TTC6: variants seen among roughly 807,000 people sequenced by gnomAD.
TTC6 encodes tetratricopeptide repeat domain 6.
A neutral mutation model predicts 210.4 loss-of-function variants in TTC6; 172 were observed. The ratio of observed to expected loss-of-function variants is 0.82; its 90% CI spans 0.72 to 0.93. The LOEUF (loss-of-function observed/expected upper bound fraction) is 0.93, where lower values mean the gene tolerates loss of function less well. Among genes scored for constraint, TTC6 ranks in the 40% least tolerant of loss-of-function variants. The pLI is 0.00. For missense variants in TTC6, 2,414 were observed against 2,318.1 expected (o/e 1.04, Z -0.85); for synonymous variants, 804 against 819.6 (o/e 0.98, Z 0.32).
At chr14:37,796,362 T>C (rs780051929) in exon 19 of TTC6, 7 of 1,187,020 alleles carry the variant, frequency 5.9e-6, no homozygotes, top group Non-Finnish European at 8.5e-6. Flanking sequence ...ATAGCAGAAA[T>C]GGACAAAGGT....
intron 14 of TTC6, among the ~76,000 whole-genome samples, chr14:37,759,683 G>A (rs7154100): frequency 0.93 from 142,132 of 152,212 alleles, 67,154 homozygotes; most frequent in East Asian, 1. Context: ...TATTTCTTGG[G>A]GGCTTTGTTC....
chr14:37,645,720 T>G (rs1236562891), intron 1 of TTC6, among the ~76,000 whole-genome samples: 1 of 152,020 alleles, frequency 6.6e-6, no homozygotes, highest in Admixed American at 6.6e-5. Flanking sequence ...CTGTGATGTT[T>G]GAGAAACAAC....
intron 14 of TTC6, among the ~76,000 whole-genome samples, chr14:37,753,828 T>C (rs7144475): frequency 0.5 from 75,171 of 151,004 alleles, 19,857 homozygotes; most frequent in South Asian, 0.65. Context: ...GATGTACTAT[T>C]TTATTGTATT....
intron 14 of TTC6, among the ~76,000 whole-genome samples, chr14:37,769,904 A>G (rs1268815861): frequency 1.3e-5 from 2 of 151,734 alleles, no homozygotes; most frequent in African/African-American, 2.4e-5. Flanking sequence ...TAGGGTGTCA[A>G]TTTTGAATCT....
At chr14:37,623,544 C>A (rs2095655200) in intron 1 of TTC6, among the ~76,000 whole-genome samples, 1 of 152,198 alleles carries the variant, frequency 6.6e-6, no homozygotes, top group East Asian at 1.9e-4. Context: ...GTAAGTGCTT[C>A]TTGTGTGCCA....
chr14:37,690,059 A>C (rs2095800865), intron 3 of TTC6, among the ~76,000 whole-genome samples: 2 of 152,192 alleles, frequency 1.3e-5, no homozygotes, highest in Admixed American at 6.6e-5. Context: ...GATAAAAAGC[A>C]GAAGAATAAA....
upstream of TTC6, among the ~76,000 whole-genome samples, chr14:37,619,671 T>G: frequency 6.6e-6 from 1 of 152,162 alleles, no homozygotes; most frequent in Non-Finnish European, 1.5e-5. Flanking sequence ...TCTCACTTTC[T>G]CAGTGTAGCT....
chr14:37,689,417 G>A (rs2095799623), intron 3 of TTC6, among the ~76,000 whole-genome samples: 1 of 152,042 alleles, frequency 6.6e-6, no homozygotes, highest in Admixed American at 6.6e-5. Flanking sequence ...AGGGATAATA[G>A]CAGAGAACTT....
intron 1 of TTC6, among the ~76,000 whole-genome samples, chr14:37,656,542 CGTGT>C (rs1566867770): frequency 6.9e-5 from 9 of 129,580 alleles, no homozygotes; most frequent in East Asian, 2.3e-4. Flanking sequence ...TGTGTGTGTG[CGTGT>C]GTGTGTGTAT....
At chr14:37,769,783 T>G (rs1425916244) in intron 14 of TTC6, among the ~76,000 whole-genome samples, 4 of 152,114 alleles carry the variant, frequency 2.6e-5, no homozygotes, top group African/African-American at 9.7e-5. Context: ...TTTGAATGGT[T>G]TTTTGTGTCT....
intron 1 of TTC6, among the ~76,000 whole-genome samples, chr14:37,655,997 A>G (rs976348838): frequency 4.6e-5 from 7 of 152,178 alleles, no homozygotes; most frequent in African/African-American, 1.4e-4. Flanking sequence ...TAAGTGTTCA[A>G]TAATAGCTCT....
intron 3 of TTC6, among the ~76,000 whole-genome samples, chr14:37,687,607 G>T (rs1190176670): frequency 2.0e-5 from 3 of 152,124 alleles, no homozygotes; most frequent in Non-Finnish European, 1.5e-5. Context: ...ATGGAAGAGT[G>T]GGGAAGACTT....
chr14:37,670,241 A>G (rs2095755626), intron 1 of TTC6, among the ~76,000 whole-genome samples: 2 of 152,282 alleles, frequency 1.3e-5, no homozygotes, highest in South Asian at 4.1e-4. Flanking sequence ...GCCTACAGAA[A>G]GCTCTTTAAT....
chr14:37,827,261 G>A (rs1595324330), exon 29 of TTC6: 1 of 1,613,098 alleles, frequency 6.2e-7, no homozygotes, highest in African/African-American at 1.3e-5. Context: ...GCCACAAACA[G>A]AATGCAATGA....
At chr14:37,626,487 G>A (rs962047810) in intron 1 of TTC6, among the ~76,000 whole-genome samples, 4 of 152,030 alleles carry the variant, frequency 2.6e-5, no homozygotes, top group African/African-American at 4.8e-5. Flanking sequence ...TGTTTGCCTC[G>A]GGGAAGATGA....
intron 14 of TTC6, among the ~76,000 whole-genome samples, chr14:37,763,065 T>C (rs1329089330): frequency 6.6e-6 from 1 of 151,242 alleles, no homozygotes; most frequent in Non-Finnish European, 1.5e-5. Flanking sequence ...TTTTTTTGTA[T>C]TTTTAGTAGA....
intron 14 of TTC6, among the ~76,000 whole-genome samples, chr14:37,772,028 G>C (rs2096020674): frequency 6.6e-6 from 1 of 152,116 alleles, no homozygotes; most frequent in South Asian, 2.1e-4. Context: ...TAACGGACAG[G>C]ACCCTCAGCT....
intron 23 of TTC6, among the ~76,000 whole-genome samples, chr14:37,807,723 G>T (rs1421288586): frequency 1.3e-5 from 2 of 151,684 alleles, no homozygotes; most frequent in Non-Finnish European, 2.9e-5. Context: ...TAGACAGTTT[G>T]GAAAAATATG....
chr14:37,656,516 T>C (rs201432339), intron 1 of TTC6, among the ~76,000 whole-genome samples: 1 of 6,616 alleles, frequency 1.5e-4, no homozygotes, highest in African/African-American at 1.7e-3. Context: ...TGTGTGTGCG[T>C]GTGTGTGTGT....
Sources: gnomAD v4.1 joint callset for allele counts (sites outside exome capture counted in the v4.1 genomes callset) on GRCh38, gnomAD v4.1.1 for gene constraint, MANE v1.5 for transcripts, NCBI Gene and HGNC (gene_info 2026-07-23, HGNC 2026-07-21) for gene names.